TXNDC16: variants seen among roughly 807,000 people sequenced by gnomAD.
TXNDC16 encodes thioredoxin domain-containing protein 16.
Under a neutral mutation model 85.6 loss-of-function variants are expected in TXNDC16, and 74 were observed. The ratio of observed to expected loss-of-function variants is 0.86; its 90% CI spans 0.72 to 1.05. The LOEUF is 1.05. Ranked by LOEUF, TXNDC16 falls within the 50% of genes least tolerant of loss-of-function variation. TXNDC16 has a pLI of 0.00. For missense variants in TXNDC16, 959 were observed against 947.0 expected (o/e 1.01, Z -0.17); for synonymous variants, 335 against 326.5 (o/e 1.03, Z -0.28).
chr14:52,530,258 T>TATAATATATATATATTATTATATA (rs1555342437), intron 6 of TXNDC16, among the ~76,000 whole-genome samples: 1 of 59,426 alleles, frequency 1.7e-5, no homozygotes, highest in Non-Finnish European at 2.8e-5. Context: ...ATATATATTA[T>TATAATATATATATATTATTATATA]ATAATATATA....
chr14:52,437,717 A>G (rs939191643), intron 20 of TXNDC16, among the ~76,000 whole-genome samples: 4 of 152,186 alleles, frequency 2.6e-5, no homozygotes, highest in Non-Finnish European at 4.4e-5. Flanking sequence ...TACTATGGGG[A>G]AAAAAACAAC....
chr14:52,487,818 G>C (rs1468606378), intron 12 of TXNDC16, among the ~76,000 whole-genome samples: 1 of 151,828 alleles, frequency 6.6e-6, no homozygotes, highest in Non-Finnish European at 1.5e-5. Flanking sequence ...AATAATCAAA[G>C]TAAATAATAT....
chr14:52,529,891 T>C (rs1182889122), intron 6 of TXNDC16, among the ~76,000 whole-genome samples: 2 of 101,122 alleles, frequency 2.0e-5, no homozygotes, highest in Non-Finnish European at 1.7e-5. Context: ...ATATGAATTA[T>C]ATATTATATA....
intron 12 of TXNDC16, among the ~76,000 whole-genome samples, chr14:52,483,915 T>C (rs2036205763): frequency 6.6e-6 from 1 of 151,712 alleles, no homozygotes; most frequent in Admixed American, 6.6e-5. Context: ...AACATGAACA[T>C]GAAAAGGAAA....
intron 20 of TXNDC16, among the ~76,000 whole-genome samples, chr14:52,436,924 C>T (rs2767539): frequency 0.51 from 77,219 of 151,550 alleles, 20,634 homozygotes; most frequent in East Asian, 0.7. Flanking sequence ...TTAGGATAGA[C>T]CATCTAGTAT....
chr14:52,519,779 A>C (rs2140193295), intron 6 of TXNDC16, among the ~76,000 whole-genome samples: 1 of 152,336 alleles, frequency 6.6e-6, no homozygotes, highest in East Asian at 1.9e-4. Context: ...CTTTGCTGGA[A>C]GCTATTCCTT....
intron 6 of TXNDC16, 100 bp from the exon 7 acceptor site, chr14:52,519,393 A>G: frequency 3.7e-6 from 3 of 819,550 alleles, no homozygotes; most frequent in Non-Finnish European, 5.7e-6. Context: ...ATATATCTCC[A>G]TTGAATAAAT....
intron 9 of TXNDC16, among the ~76,000 whole-genome samples, chr14:52,508,306 C>T (rs1270102723): frequency 6.6e-6 from 1 of 152,140 alleles, no homozygotes; most frequent in Non-Finnish European, 1.5e-5. Context: ...CCAAAAGACA[C>T]ATGAAAAAAT....
chr14:52,458,613 T>C (rs1454767226), intron 16 of TXNDC16, among the ~76,000 whole-genome samples: 2 of 152,202 alleles, frequency 1.3e-5, no homozygotes, highest in African/African-American at 4.8e-5. Context: ...TAGCCCATGC[T>C]ACATCAAAGT....
At position 52,514,969 on chromosome 14, in the gene TXNDC16, C is replaced by T. The variant is rs1378929256; in HGVS notation, c.516G>A (p.Glu172=). ...FSYVRAIGIP[E]HRAVMEAAFV... is the part of the protein sequence containing the mutation. Reference sequence around the variant, plus strand: ...AAGCGGCTTCCATGACTGCTCTGTGCTCTGAAGAAGAGATAAAGGGAGTTG... The same window carrying T: ...AAGCGGCTTCCATGACTGCTCTGTGTTCTGAAGAAGAGATAAAGGGAGTTG... The change falls in exon 8 of 21, where the codon GAG becomes GAA. Residue 172 remains glutamate (E), a splice_region_variant and synonymous_variant. Transcript: ENST00000281741. The T allele has an allele frequency of 6.2e-7, 1 of 1,609,552 alleles. No homozygotes were observed. Among genetic ancestry groups the T allele is most frequent in the Non-Finnish European group, 8.5e-7 (1 of 1,177,506 alleles).
rs543373715 is a variant in TXNDC16, at chr14:52,519,303, A to G, written c.393-10T>C. The G allele has an allele frequency of 6.3e-7, 1 of 1,579,944 alleles. No homozygotes were observed. Among genetic ancestry groups the G allele is most frequent in the South Asian group, 1.1e-5 (1 of 88,340 alleles). ...ACTAAAAAGAAGAGCACTGAAATAA[A>G]TACAGATATAATTAGTAGAAAAATC... On this transcript the variant is annotated splice_polypyrimidine_tract_variant and intron_variant, in intron 6 of 20. Transcript: ENST00000281741.
intron 1 of TXNDC16, among the ~76,000 whole-genome samples, chr14:52,547,080 A>G (rs1363292333): frequency 6.6e-6 from 1 of 152,252 alleles, no homozygotes; most frequent in Non-Finnish European, 1.5e-5. Flanking sequence ...TTAACAAGGT[A>G]TTAAAAGAAA....
chr14:52,515,027 T>C (rs116951978), intron 7 of TXNDC16, 57 bp from the exon 8 acceptor site: 22,153 of 1,285,554 alleles, frequency 0.017, 225 homozygotes, highest in Non-Finnish European at 0.022. Context: ...TGTGACTCTA[T>C]GTAAACTTCT....
chr14:52,549,629 A>ATT (rs748701260), intron 1 of TXNDC16, among the ~76,000 whole-genome samples: 10,960 of 132,876 alleles, frequency 0.082, 538 homozygotes, highest in East Asian at 0.14. Context: ...AACAGTTCTG[A>ATT]TTTTTTTTTT....
chr14:52,441,051 T>C (rs1188570110), intron 18 of TXNDC16, among the ~76,000 whole-genome samples: 3 of 152,178 alleles, frequency 2.0e-5, no homozygotes, highest in African/African-American at 4.8e-5. Context: ...AATATACACA[T>C]GACAATTGTT....
Position 52,431,116 on chromosome 14 carries a change from T to A in TXNDC16, c.*1188A>T, listed in dbSNP as rs2034883662. 1 of 152,188 alleles carries A rather than the reference T, an allele frequency of 6.6e-6. No individual in the cohort carries two copies. The highest frequency in any genetic ancestry group is 6.5e-5 in the Admixed American group (1 of 15,286). 9.4% of individuals were successfully genotyped at this position (152,188 alleles called of 1,614,324 possible). A position where few individuals can be genotyped will look rare whatever the true frequency, so the allele number is the denominator to read the frequency against. On this transcript the variant is annotated 3_prime_UTR_variant, in exon 21 of 21. Coordinates refer to ENST00000281741, the MANE Select transcript of TXNDC16 (RefSeq NM_020784.3). ...GAGACAAACAACTGCTACAAACAGA[T>A]CAGTCTAACAGCTAAGTGATTTGGA...
Position 52,470,684 on chromosome 14 carries a change from A to T in TXNDC16, c.1313-4T>A. 1 of 1,590,296 alleles carries T rather than the reference A, an allele frequency of 6.3e-7. No homozygotes were observed. The highest frequency in any genetic ancestry group is 1.8e-5 in the Admixed American group (1 of 54,788). On this transcript the variant is annotated splice_polypyrimidine_tract_variant and splice_region_variant and intron_variant, in intron 14 of 20. Coordinates refer to ENST00000281741, the MANE Select transcript of TXNDC16 (RefSeq NM_020784.3). Reference sequence around the variant, plus strand: ...GTAAGAAGCATAGTAGATGTGCCTAAATAAAAGGAAAATGCACATTTGTAA... The same window carrying T: ...GTAAGAAGCATAGTAGATGTGCCTATATAAAAGGAAAATGCACATTTGTAA...
intron 8 of TXNDC16, among the ~76,000 whole-genome samples, chr14:52,513,042 T>TG (rs2036993965): frequency 6.6e-6 from 1 of 152,130 alleles, no homozygotes; most frequent in African/African-American, 2.4e-5. Context: ...GTGACATGTA[T>TG]GGGGCATGGG....
chr14:52,462,331 G>T (rs1403383531), intron 16 of TXNDC16, among the ~76,000 whole-genome samples: 3 of 152,186 alleles, frequency 2.0e-5, no homozygotes, highest in African/African-American at 7.2e-5. Context: ...GAGTAGCTGG[G>T]ATTAGACAGA....
Sources: allele counts gnomAD v4.1 joint callset (sites outside exome capture counted in the v4.1 genomes callset), GRCh38; gene constraint gnomAD v4.1.1; transcripts MANE v1.5; gene names NCBI Gene and HGNC (gene_info 2026-07-23, HGNC 2026-07-21).